Variants in PEX11G observed in about 807,000 individuals in gnomAD.
PEX11G encodes peroxisomal membrane protein 11C.
A neutral mutation model predicts 22.5 loss-of-function variants in PEX11G; 20 were observed. The ratio of observed to expected loss-of-function variants is 0.89; its 90% CI spans 0.62 to 1.29. The LOEUF (loss-of-function observed/expected upper bound fraction) is 1.29. Ranked by LOEUF, PEX11G falls within the 50% of genes most tolerant of loss-of-function variation. PEX11G has a pLI of 0.00. For synonymous variants in PEX11G, 141 were observed against 154.5 expected (o/e 0.91, Z 0.65); for missense variants, 347 against 331.3 (o/e 1.05, Z -0.37).
At chr19:7,483,614 A>G (rs1238257795) in intron 2 of PEX11G, among the ~76,000 whole-genome samples, 2 of 152,146 alleles carry the variant, frequency 1.3e-5, no homozygotes, top group African/African-American at 4.8e-5. Flanking sequence ...TCAGACACGG[A>G]GGAGGAGGAT....
At chr19:7,477,879 A>C (rs1333867427) in intron 4 of PEX11G, among the ~76,000 whole-genome samples, 1 of 152,194 alleles carries the variant, frequency 6.6e-6, no homozygotes, top group Non-Finnish European at 1.5e-5. Flanking sequence ...AAAATTAGCC[A>C]GGCGTGCTGG....
chr19:7,487,208 C>A (rs2021699991), intron 1 of PEX11G, among the ~76,000 whole-genome samples: 1 of 152,184 alleles, frequency 6.6e-6, no homozygotes, highest in Admixed American at 6.5e-5. Context: ...CTTCCCACCT[C>A]CTAGGTCCTT....
intron 1 of PEX11G, 130 bp downstream of exon 1, chr19:7,488,821 G>A (rs562924790): frequency 1.1e-6 from 1 of 936,806 alleles, no homozygotes; most frequent in African/African-American, 1.7e-5. Flanking sequence ...CACCGCATTT[G>A]AGCCTAGCTC....
At position 7,478,303 on chromosome 19, in the gene PEX11G, C is replaced by T. The variant is rs377211462; in HGVS notation, c.491+11G>A. On this transcript the variant is annotated intron_variant, in intron 4 of 4. Coordinates refer to ENST00000221480, the MANE Select transcript of PEX11G (RefSeq NM_080662.4). ...AGTGGGCCTCCCTGCTGGGTGATCA[C>T]GGGCTCCTACCTGGTGAAGGGCGCC... The T allele has an allele frequency of 7.5e-6, 12 of 1,609,330 alleles. No individual in the cohort carries two copies. Among genetic ancestry groups the T allele is most frequent in the Middle Eastern group, 1.9e-4 (1 of 5,170 alleles).
chr19:7,493,710 G>C (rs911613206), upstream of PEX11G, among the ~76,000 whole-genome samples: 1 of 151,884 alleles, frequency 6.6e-6, no homozygotes, highest in African/African-American at 2.4e-5. Flanking sequence ...CTCCTTTTAA[G>C]ACTTGGGTCC....
intron 1 of PEX11G, among the ~76,000 whole-genome samples, chr19:7,494,601 C>T (rs1281105460): frequency 6.6e-6 from 1 of 152,208 alleles, no homozygotes; most frequent in Non-Finnish European, 1.5e-5. Flanking sequence ...TTTGCAGACA[C>T]AGCCCAGCCC....
chr19:7,478,194 T>A (rs7251754), intron 4 of PEX11G, 120 bp downstream of exon 4: 332,851 of 1,045,058 alleles, frequency 0.32, 54,851 homozygotes, highest in African/African-American at 0.52. Flanking sequence ...CTGTGATGAC[T>A]CCCCCATGAC....
At chr19:7,492,824 T>A (rs2021913685), upstream of PEX11G, among the ~76,000 whole-genome samples, 1 of 152,218 alleles carries the variant, frequency 6.6e-6, no homozygotes, top group Non-Finnish European at 1.5e-5. Flanking sequence ...GCTTTCCTCC[T>A]GTTGTTTAAA....
At chr19:7,484,611 A>G (rs1279032450) in intron 2 of PEX11G, among the ~76,000 whole-genome samples, 1 of 152,048 alleles carries the variant, frequency 6.6e-6, no homozygotes, top group African/African-American at 2.4e-5. Context: ...CGTCTCTACT[A>G]AAAATACAAA....
upstream of PEX11G, among the ~76,000 whole-genome samples, chr19:7,493,496 CTT>C (rs140054447): frequency 3.4e-5 from 5 of 146,238 alleles, no homozygotes; most frequent in African/African-American, 1.3e-4. Flanking sequence ...TGCCCAGCCT[CTT>C]TTTTTTTTCT....
chr19:7,477,742 G>A (rs987962806), intron 4 of PEX11G, among the ~76,000 whole-genome samples: 2 of 152,264 alleles, frequency 1.3e-5, no homozygotes, highest in African/African-American at 4.8e-5. Context: ...TTTGGGAGGT[G>A]TGGAGGGAAG....
upstream of PEX11G, among the ~76,000 whole-genome samples, chr19:7,492,066 C>G (rs1156679817): frequency 6.6e-6 from 1 of 152,156 alleles, no homozygotes. Flanking sequence ...TTTGTTTATC[C>G]ACGTATCAGC....
At chr19:7,484,392 T>C (rs2021543473) in intron 2 of PEX11G, among the ~76,000 whole-genome samples, 1 of 151,604 alleles carries the variant, frequency 6.6e-6, no homozygotes, top group South Asian at 2.1e-4. Context: ...GCCGAAGCTG[T>C]ACCGTTAAGT....
intron 1 of PEX11G, among the ~76,000 whole-genome samples, chr19:7,486,399 T>C (rs567698553): frequency 1.5e-4 from 23 of 152,288 alleles, no homozygotes; most frequent in African/African-American, 5.1e-4. Context: ...GTGCTGGGAT[T>C]ACAGGCATGA....
upstream of PEX11G, chr19:7,493,184 GTCTC>G (rs1261396519): frequency 2.0e-5 from 3 of 151,150 alleles, no homozygotes; most frequent in African/African-American, 4.9e-5. Flanking sequence ...CTTCCTCTCT[GTCTC>G]TCTCTCTTTC....
chr19:7,482,050 CAG>C lies in PEX11G; in HGVS notation c.409_410del (p.Leu137AlafsTer152), dbSNP rs746583851. 4 of 1,602,194 alleles carry C rather than the reference CAG, an allele frequency of 2.5e-6. No homozygotes were observed. Among genetic ancestry groups the C allele is most frequent in the Non-Finnish European group, 3.4e-6 (4 of 1,175,534 alleles). On this transcript the variant is annotated frameshift_variant, in exon 3 of 5. Transcript: ENST00000221480. LOFTEE classifies it high-confidence loss of function. Reference protein sequence around the residue: ...TLSTTLWALSLLLGVARSLWM... With the variant: ...TLSTTLWALSXLLGVARSLWM... The stretch of plus-strand genomic sequence containing the variant: ...CCACTTACCTGGCAACCCCCAGGAG[CAG>C]AGAGAGGGCCCACAGGGTTGTACTC...
At chr19:7,478,958 C>T (rs932124263) in intron 3 of PEX11G, among the ~76,000 whole-genome samples, 1 of 152,232 alleles carries the variant, frequency 6.6e-6, no homozygotes, top group South Asian at 2.1e-4. Context: ...GCTCTGCAGC[C>T]GTGCATGGCA....
At position 7,477,240 on chromosome 19, in the gene PEX11G, C is replaced by T; in HGVS notation, c.688G>A (p.Ala230Thr). ...ISSILSMYQA[A>T]RAGGQAEATT... ...GCCTCGGCCTGGCCGCCGGCCCGGG[C>T]CGCCTGGTACATGCTGAGGATTGAG... Residue 230 changes from alanine (A) to threonine (T), a missense_variant, in exon 5 of 5, where the codon GCC (alanine) becomes ACC (threonine). By Grantham distance (58) the Ala-to-Thr change is moderately conservative. Coordinates refer to ENST00000221480, the MANE Select transcript of PEX11G (RefSeq NM_080662.4). The T allele has an allele frequency of 6.5e-7, 1 of 1,548,324 alleles. No individual in the cohort carries two copies.
intron 1 of PEX11G, among the ~76,000 whole-genome samples, chr19:7,494,876 A>G (rs963005730): frequency 6.6e-6 from 1 of 152,174 alleles, no homozygotes; most frequent in African/African-American, 2.4e-5. Context: ...CACTGTCCAC[A>G]CTATCAGAGT....
Sources: gnomAD v4.1 joint callset for allele counts (sites outside exome capture counted in the v4.1 genomes callset) on GRCh38, gnomAD v4.1.1 for gene constraint, MANE v1.5 for transcripts, NCBI Gene and HGNC (gene_info 2026-07-23, HGNC 2026-07-21) for gene names.